Variants in MNAT1 observed in about 807,000 individuals in gnomAD.
The protein encoded by MNAT1 is CDK-activating kinase assembly factor MAT1.
Under a neutral mutation model 42.0 loss-of-function variants are expected in MNAT1, and 43 were observed. The ratio of observed to expected loss-of-function variants is 1.02; its 90% CI spans 0.80 to 1.32. MNAT1 has a LOEUF of 1.32. Ranked by LOEUF, MNAT1 falls within the 40% of genes most tolerant of loss-of-function variation. MNAT1 has a pLI of 0.00. For missense variants in MNAT1, 306 were observed against 350.4 expected, an observed-to-expected ratio of 0.87 and a Z score of 1.01; for synonymous variants, 118 against 120.0, an observed-to-expected ratio of 0.98 and a Z score of 0.11.
At chr14:60,869,040 A>ATATATATATATATATATATATATTTTTT (rs1465360826) in intron 6 of MNAT1, among the ~76,000 whole-genome samples, 1 of 113,054 alleles carries the variant, frequency 8.8e-6, no homozygotes, top group African/African-American at 3.4e-5. Context: ...ATATATATAT[A>ATATATATATATATATATATATATTTTTT]TTTTTTTTTT....
chr14:60,819,566 TGA>T (rs2032817554), intron 6 of MNAT1, among the ~76,000 whole-genome samples: 1 of 152,154 alleles, frequency 6.6e-6, no homozygotes, highest in African/African-American at 2.4e-5. Flanking sequence ...ATGTTTGAGG[TGA>T]TGGATATCTC....
At chr14:60,800,555 A>C (rs997447981) in intron 3 of MNAT1, among the ~76,000 whole-genome samples, 9 of 152,190 alleles carry the variant, frequency 5.9e-5, no homozygotes, top group Admixed American at 3.9e-4. Context: ...ACCAGAAAAC[A>C]GAAAAGGAAA....
chr14:60,771,257 G>A (rs1013606441), intron 1 of MNAT1, among the ~76,000 whole-genome samples: 9 of 152,004 alleles, frequency 5.9e-5, no homozygotes, highest in Non-Finnish European at 1.2e-4. Context: ...AAATTCAGAT[G>A]TGAAGTGGCA....
intron 1 of MNAT1, among the ~76,000 whole-genome samples, chr14:60,779,315 G>T (rs2031361682): frequency 6.6e-6 from 1 of 152,126 alleles, no homozygotes; most frequent in South Asian, 2.1e-4. Flanking sequence ...TAGATAAAAG[G>T]ATCTGGATCG....
intron 6 of MNAT1, among the ~76,000 whole-genome samples, chr14:60,852,705 C>G (rs1220692542): frequency 6.6e-6 from 1 of 152,134 alleles, no homozygotes; most frequent in Non-Finnish European, 1.5e-5. Flanking sequence ...TTTAATCCAT[C>G]TTGAGTTAAT....
chr14:60,935,056 CT>C (rs1485061049), intron 7 of MNAT1, among the ~76,000 whole-genome samples: 3 of 152,158 alleles, frequency 2.0e-5, no homozygotes, highest in Admixed American at 1.3e-4. Flanking sequence ...AGCCTAACTT[CT>C]TTAATTTTAG....
At chr14:60,786,086 AG>A (rs1182615368) in intron 1 of MNAT1, among the ~76,000 whole-genome samples, 1 of 152,066 alleles carries the variant, frequency 6.6e-6, no homozygotes, top group Non-Finnish European at 1.5e-5. Context: ...AATATAATTA[AG>A]AAAAATTGAA....
In MNAT1 at chr14:60,812,111, C is replaced by G; in HGVS notation, c.545C>G (p.Ala182Gly). 1 of 1,580,632 alleles carries G rather than the reference C, an allele frequency of 6.3e-7. No homozygotes were observed. Among genetic ancestry groups the G allele is most frequent in the Non-Finnish European group, 8.6e-7 (1 of 1,168,066 alleles). ...QQILKRKNKQ[A>G]FLDELESSDL... ...ATTCTAAAAAGGAAGAATAAGCAGG[C>G]TTTTTTAGATGAGCTGGTATGTATT... The change falls in exon 5 of 8, where the codon GCT (alanine) becomes GGT (glycine). Residue 182 changes from alanine (A) to glycine (G), a missense_variant. By Grantham distance (60) the Ala-to-Gly change is moderately conservative. Coordinates refer to ENST00000261245, the MANE Select transcript of MNAT1 (RefSeq NM_002431.4).
At chr14:60,739,216 G>A (rs576476476) in intron 1 of MNAT1, among the ~76,000 whole-genome samples, 17 of 152,270 alleles carry the variant, frequency 1.1e-4, no homozygotes, top group South Asian at 4.1e-4. Flanking sequence ...GGGAGGAAGG[G>A]AACTGGAAGC....
intron 7 of MNAT1, among the ~76,000 whole-genome samples, chr14:60,951,787 A>T (rs912858139): frequency 9.3e-5 from 14 of 151,156 alleles, no homozygotes; most frequent in African/African-American, 3.4e-4. Flanking sequence ...TTTTACTGTG[A>T]ATTTTTTTTT....
In MNAT1 at chr14:60,858,781, C is replaced by G. The variant is rs147930941; in HGVS notation, c.688-20933C>G. On this transcript the variant is annotated intron_variant, in intron 6 of 7. Coordinates refer to ENST00000261245, the MANE Select transcript of MNAT1 (RefSeq NM_002431.4). ...AAGACCTTCCACCAGCAAAAAGATGCAATTTGCTGAAGGTTCAAATGGTTA... is the reference window on the plus strand; with the variant it reads ...AAGACCTTCCACCAGCAAAAAGATGGAATTTGCTGAAGGTTCAAATGGTTA... Among the ~76,000 whole-genome samples the G allele has an allele frequency of 3.3e-5, 5 of 152,302 alleles. No individual in the cohort carries two copies. The East Asian group carries it at 9.6e-4, about 29-fold the overall frequency.
chr14:60,869,042 T>TATATATATATA (rs1336981892), intron 6 of MNAT1, among the ~76,000 whole-genome samples: 29 of 79,098 alleles, frequency 3.7e-4, no homozygotes, highest in African/African-American at 7.5e-4. Flanking sequence ...ATATATATAT[T>TATATATATATA]TTTTTTTTTT....
intron 7 of MNAT1, among the ~76,000 whole-genome samples, chr14:60,960,943 C>T (rs1314006647): frequency 6.6e-6 from 1 of 152,048 alleles, no homozygotes; most frequent in East Asian, 1.9e-4. Flanking sequence ...TATCAGGTTT[C>T]CTTTTTACTT....
At chr14:60,886,877 C>T (rs1237571097) in intron 7 of MNAT1, among the ~76,000 whole-genome samples, 1 of 152,012 alleles carries the variant, frequency 6.6e-6, no homozygotes, top group Non-Finnish European at 1.5e-5. Flanking sequence ...TGTCTAATTG[C>T]TCTTTATAAT....
chr14:60,862,985 A>G (rs1418960995), intron 6 of MNAT1, among the ~76,000 whole-genome samples: 1 of 152,090 alleles, frequency 6.6e-6, no homozygotes, highest in Admixed American at 6.6e-5. Flanking sequence ...GTTTTAATAA[A>G]AATATGGGTG....
At chr14:60,753,635 C>T (rs772494872) in intron 1 of MNAT1, 1 of 152,176 alleles carries the variant, frequency 6.6e-6, no homozygotes, top group African/African-American at 2.4e-5. Flanking sequence ...CTGCTGCATT[C>T]TGTTTGTTCA....
chr14:60,892,786 A>G (rs1472144850), intron 7 of MNAT1, among the ~76,000 whole-genome samples: 2 of 152,054 alleles, frequency 1.3e-5, no homozygotes, highest in Non-Finnish European at 1.5e-5. Context: ...TGATGATTAC[A>G]TTTATTATCC....
intron 6 of MNAT1, among the ~76,000 whole-genome samples, chr14:60,819,166 A>G (rs1400148414): frequency 6.6e-6 from 1 of 152,104 alleles, no homozygotes; most frequent in Non-Finnish European, 1.5e-5. Flanking sequence ...CAGATATGAA[A>G]TGGGAAAGCA....
At chr14:60,839,661 C>T (rs1372658376) in intron 6 of MNAT1, among the ~76,000 whole-genome samples, 3 of 152,202 alleles carry the variant, frequency 2.0e-5, no homozygotes, top group Admixed American at 6.5e-5. Context: ...GCTATGACAC[C>T]CTCTTTGGGG....
Sources: allele counts gnomAD v4.1 joint callset (sites outside exome capture counted in the v4.1 genomes callset), GRCh38; gene constraint gnomAD v4.1.1; transcripts MANE v1.5; gene names NCBI Gene and HGNC (gene_info 2026-07-23, HGNC 2026-07-21).